Variants in EIF2A observed in about 807,000 individuals in gnomAD.
The protein encoded by EIF2A is eukaryotic translation initiation factor 2A, also known as 65 kDa eukaryotic translation initiation factor 2A.
A neutral mutation model predicts 75.2 loss-of-function variants in EIF2A; 62 were observed. The ratio of observed to expected loss-of-function variants is 0.82; its 90% confidence interval spans 0.67 to 1.02. EIF2A has a LOEUF of 1.02. Among genes scored for constraint, EIF2A ranks in the 50% least tolerant of loss-of-function variants. The pLI, the probability that EIF2A is intolerant of heterozygous loss-of-function variation, is 0.00. For synonymous variants in EIF2A, 207 were observed against 239.0 expected, an observed-to-expected ratio of 0.87 and a Z score of 1.23; for missense variants, 611 against 677.7, an observed-to-expected ratio of 0.90 and a Z score of 1.09.
At chr3:150,581,768 G>T in intron 12 of EIF2A, 22 bp downstream of exon 12, 1 of 1,554,588 alleles carries the variant, frequency 6.4e-7, no homozygotes, top group Non-Finnish European at 8.7e-7. Flanking sequence ...AAAAACAGAT[G>T]TGCATATTGA....
In EIF2A at chr3:150,571,989, G is replaced by GA; in HGVS notation, c.845dup (p.Asn282LysfsTer3). Reference sequence around the variant, plus strand: ...ATGGCCCCATTTATGATGTAGTTTGGAATTCTAGTTCTACTGAGTTTTGTG... The same window carrying GA: ...ATGGCCCCATTTATGATGTAGTTTGGAAATTCTAGTTCTACTGAGTTTTGTG... On this transcript the variant is annotated frameshift_variant, in exon 10 of 14. Coordinates refer to ENST00000460851, the MANE Select transcript of EIF2A (RefSeq NM_032025.5). LOFTEE classifies it high-confidence loss of function. 1 of 1,610,660 alleles carries GA rather than the reference G, an allele frequency of 6.2e-7. No individual in the cohort carries two copies. Among genetic ancestry groups the GA allele is most frequent in the Non-Finnish European group, 8.5e-7 (1 of 1,178,202 alleles).
rs577676877 is a variant in EIF2A, at chr3:150,561,198, A to G, written c.174-1344A>G. Among the ~76,000 whole-genome samples, 6 of 152,276 alleles carry G rather than the reference A, an allele frequency of 3.9e-5. No individual in the cohort carries two copies. The South Asian group carries it at 6.2e-4, about 16-fold the overall frequency. On this transcript the variant is annotated intron_variant, in intron 3 of 13. Coordinates refer to ENST00000460851, the MANE Select transcript of EIF2A (RefSeq NM_032025.5). ...GGGCTGGTTTTGAACTCCTGGGCTC[A>G]AGCAGTCCTCCCACCTCAGCCTCCC...
chr3:150,580,058 A>G (rs980928480), intron 11 of EIF2A, among the ~76,000 whole-genome samples: 2 of 152,168 alleles, frequency 1.3e-5, no homozygotes, highest in Non-Finnish European at 2.9e-5. Flanking sequence ...CAACGAAGCA[A>G]GTATTATGCT....
chr3:150,576,379 G>A (rs759403003), intron 11 of EIF2A, among the ~76,000 whole-genome samples: 1 of 151,988 alleles, frequency 6.6e-6, no homozygotes, highest in Non-Finnish European at 1.5e-5. Flanking sequence ...AGGCTGCAGT[G>A]AGCTGTGATT....
chr3:150,572,556 G>A, intron 10 of EIF2A, 27 bp downstream of exon 10: 2 of 1,569,848 alleles, frequency 1.3e-6, no homozygotes, highest in Non-Finnish European at 1.7e-6. Flanking sequence ...TACTTTTATA[G>A]AAAAAAGTTT....
At position 150,584,094 on chromosome 3, in the gene EIF2A, T is replaced by C. The variant is rs1329339557; in HGVS notation, c.*183T>C. 5 of 553,156 alleles carry C rather than the reference T, an allele frequency of 9.0e-6. No individual in the cohort carries two copies. In the East Asian group the frequency reaches 1.5e-4, roughly 17 times the overall value. 34.3% of individuals were successfully genotyped at this position (553,156 alleles called of 1,614,324 possible). A position where few individuals can be genotyped will look rare whatever the true frequency, so the allele number is the denominator to read the frequency against. The stretch of plus-strand genomic sequence containing the variant: ...AATGTCTATTAAATTGATATTTATA[T>C]CTTGCATCCTATATCATGTCAATAT... On this transcript the variant is annotated 3_prime_UTR_variant, in exon 14 of 14. Transcript: ENST00000460851.
At chr3:150,554,111 G>T (rs1723448572) in intron 2 of EIF2A, among the ~76,000 whole-genome samples, 1 of 152,144 alleles carries the variant, frequency 6.6e-6, no homozygotes, top group African/African-American at 2.4e-5. Context: ...TTTGTTAAAG[G>T]GTCGTAGGAA....
intron 1 of EIF2A, 54 bp downstream of exon 1, chr3:150,546,884 T>G: frequency 6.2e-7 from 1 of 1,605,564 alleles, no homozygotes; most frequent in Non-Finnish European, 8.5e-7. Flanking sequence ...TTCTTATTTT[T>G]GTCTTTGCCT....
At chr3:150,568,785 C>T (rs896050270) in intron 9 of EIF2A, among the ~76,000 whole-genome samples, 1 of 152,066 alleles carries the variant, frequency 6.6e-6, no homozygotes, top group Non-Finnish European at 1.5e-5. Flanking sequence ...GGCATGGTGG[C>T]GTATGCCTGT....
At chr3:150,562,229 T>C (rs1425495175) in intron 3 of EIF2A, among the ~76,000 whole-genome samples, 1 of 151,962 alleles carries the variant, frequency 6.6e-6, no homozygotes, top group Non-Finnish European at 1.5e-5. Context: ...AAGACCATCC[T>C]GGCTAACACG....
In EIF2A at chr3:150,575,713, C is replaced by T. The variant is rs1315708436; in HGVS notation, c.1448C>T (p.Thr483Ile). Residue 483 changes from threonine to isoleucine, a missense_variant, in exon 11 of 14, where the codon ACA becomes ATA. Physicochemically the swap from Thr to Ile is moderately conservative, Grantham distance 89. Transcript: ENST00000460851. ...GGAAACGATAAGCCATTATCAAAAA[C>T]AGCTCTTAAAAATCAAAGGAAGCAT... The part of the protein sequence containing the change: ...QSGNDKPLSK[T>I]ALKNQRKHEA... 3.1e-6 allele frequency: 5 copies of T among 1,613,224 alleles called. No individual in the cohort carries two copies. The Admixed American group carries it at 6.7e-5, about 22-fold the overall frequency.
At chr3:150,568,536 G>A (rs1559881294) in intron 9 of EIF2A, among the ~76,000 whole-genome samples, 1 of 152,134 alleles carries the variant, frequency 6.6e-6, no homozygotes, top group Non-Finnish European at 1.5e-5. Flanking sequence ...CCTGAGTAAG[G>A]TAATTCCATT....
chr3:150,570,921 C>A (rs935730119), intron 9 of EIF2A, among the ~76,000 whole-genome samples: 1 of 151,514 alleles, frequency 6.6e-6, no homozygotes, highest in Non-Finnish European at 1.5e-5. Flanking sequence ...ACAAAATTAG[C>A]CCGGCGTGGT....
chr3:150,564,513 T>A (rs1724064634), intron 6 of EIF2A, 132 bp downstream of exon 6: 1 of 599,436 alleles, frequency 1.7e-6, no homozygotes, highest in Non-Finnish European at 2.6e-6. Flanking sequence ...TACATACATT[T>A]GCATAATTCT....
intron 11 of EIF2A, among the ~76,000 whole-genome samples, chr3:150,576,855 A>C (rs1208626667): frequency 1.3e-5 from 2 of 152,358 alleles, no homozygotes; most frequent in East Asian, 3.9e-4. Context: ...CGTAGTTGAA[A>C]AGCCACACCA....
At position 150,581,552 on chromosome 3, in the gene EIF2A, A is replaced by G; in HGVS notation, c.1498-66A>G. 8 of 1,509,108 alleles carry G rather than the reference A, an allele frequency of 5.3e-6. No individual in the cohort carries two copies. The South Asian group carries it at 7.6e-5, about 14-fold the overall frequency. 93.5% of individuals were successfully genotyped at this position (1,509,108 alleles called of 1,614,324 possible). On this transcript the variant is annotated intron_variant, in intron 11 of 13. Coordinates refer to ENST00000460851, the MANE Select transcript of EIF2A (RefSeq NM_032025.5). ...TTTCTGTATTTCATATGCCAAAGCTATGTTGATTTAAATACTGTAATGTTT... is the reference window on the plus strand; with the variant it reads ...TTTCTGTATTTCATATGCCAAAGCTGTGTTGATTTAAATACTGTAATGTTT...
chr3:150,549,004 T>C (rs1177935240), intron 1 of EIF2A, among the ~76,000 whole-genome samples: 4 of 152,216 alleles, frequency 2.6e-5, no homozygotes, highest in Non-Finnish European at 5.9e-5. Flanking sequence ...TTCCAAAATC[T>C]TTTGTTAAAT....
chr3:150,551,681 T>A (rs1261435076), intron 1 of EIF2A, among the ~76,000 whole-genome samples: 2 of 152,116 alleles, frequency 1.3e-5, no homozygotes, highest in African/African-American at 4.8e-5. Context: ...TGAGCCTTGA[T>A]CATGCCACTG....
rs140149738 is a variant in EIF2A at position 150,560,027 on chromosome 3, TC to T, written c.173+1566del. On this transcript the variant is annotated intron_variant, in intron 3 of 13. Coordinates refer to ENST00000460851, the MANE Select transcript of EIF2A (RefSeq NM_032025.5). ...ACTACCTAATGGGCTATACTATACTTCTTTTCATTGTCTTTTTTTGTTTGTT... is the reference window on the plus strand; with the variant it reads ...ACTACCTAATGGGCTATACTATACTTTTTTCATTGTCTTTTTTTGTTTGTT... Among the ~76,000 whole-genome samples the T allele has an allele frequency of 2.8e-4, 43 of 152,330 alleles. 2 individuals carry two copies. The East Asian group carries it at 8.3e-3, about 29-fold the overall frequency.
Sources: gnomAD v4.1 joint callset for allele counts (sites outside exome capture counted in the v4.1 genomes callset) on GRCh38, gnomAD v4.1.1 for gene constraint, MANE v1.5 for transcripts, NCBI Gene and HGNC (gene_info 2026-07-23, HGNC 2026-07-21) for gene names.